SHPRH: variants seen among roughly 807,000 people sequenced by gnomAD.
The protein encoded by SHPRH is E3 ubiquitin-protein ligase SHPRH.
A neutral mutation model predicts 202.5 loss-of-function variants in SHPRH; 106 were observed. That is an observed-to-expected ratio of 0.52 (90% CI 0.45 to 0.62). SHPRH has a LOEUF of 0.62. Ranked by LOEUF, SHPRH falls within the 20% of genes least tolerant of loss-of-function variation. The pLI is 0.00. For synonymous variants in SHPRH, 729 were observed against 686.0 expected (o/e 1.06, Z -0.98); for missense variants, 1,710 against 2,020.0 (o/e 0.85, Z 2.94).
intron 18 of SHPRH, 121 bp downstream of exon 18, chr6:145,923,522 T>C (rs946906248): frequency 5.8e-6 from 7 of 1,210,220 alleles, no homozygotes; most frequent in Non-Finnish European, 8.0e-6. Flanking sequence ...TGAATGTGTC[T>C]GTATAGGTTT....
At position 145,897,790 on chromosome 6, in the gene SHPRH, T is replaced by G. The variant is rs1583325308; in HGVS notation, c.4516-2813A>C. ...GGAAAAAAATGATCATCTCAATATA[T>G]GCAGAAAAAATATCTGATAAAATTC... On this transcript the variant is annotated intron_variant, in intron 25 of 29. Transcript: ENST00000275233. Among the ~76,000 whole-genome samples, 5 of 152,200 alleles carry G rather than the reference T, an allele frequency of 3.3e-5. 1 individual carries two copies. The highest frequency in any genetic ancestry group is 3.3e-4 in the Admixed American group (5 of 15,270).
intron 23 of SHPRH, among the ~76,000 whole-genome samples, chr6:145,914,054 T>C (rs1414238796): frequency 1.3e-5 from 2 of 152,192 alleles, no homozygotes; most frequent in Non-Finnish European, 2.9e-5. Context: ...CATTTTACTA[T>C]GTTGTCCACT....
At chr6:145,890,889 T>G (rs1407441452) in intron 28 of SHPRH, among the ~76,000 whole-genome samples, 1 of 152,104 alleles carries the variant, frequency 6.6e-6, no homozygotes, top group Non-Finnish European at 1.5e-5. Context: ...GTACTATCAG[T>G]TCTATCTTCA....
chr6:145,876,295 GC>G (rs1780300381), intron 2 of SHPRH, among the ~76,000 whole-genome samples: 1 of 152,074 alleles, frequency 6.6e-6, no homozygotes, highest in African/African-American at 2.4e-5. Context: ...GATCATTTAA[GC>G]CCAGGAGTTT....
chr6:145,887,947 G>T, intron 29 of SHPRH, 73 bp downstream of exon 29: 1 of 1,180,550 alleles, frequency 8.5e-7, no homozygotes, highest in Non-Finnish European at 1.2e-6. Flanking sequence ...TCATCTAAGT[G>T]AAGAAGTTCT....
intron 21 of SHPRH, among the ~76,000 whole-genome samples, chr6:145,920,171 ACAG>A (rs891033749): frequency 2.0e-5 from 3 of 152,260 alleles, no homozygotes; most frequent in African/African-American, 7.2e-5. Flanking sequence ...GTAGATATGT[ACAG>A]CAGGAGCTCA....
chr6:145,930,727 T>C (rs1442987560), intron 14 of SHPRH, among the ~76,000 whole-genome samples: 1 of 152,178 alleles, frequency 6.6e-6, no homozygotes, highest in Non-Finnish European at 1.5e-5. Context: ...ACTGATTAGG[T>C]CAACTGGTTG....
chr6:145,906,097 G>C (rs1345730997), intron 25 of SHPRH: 1 of 151,956 alleles, frequency 6.6e-6, no homozygotes, highest in Non-Finnish European at 1.5e-5. Context: ...TTGAGTGCTG[G>C]TCCACAAATG....
intron 26 of SHPRH, among the ~76,000 whole-genome samples, chr6:145,894,451 TGA>T (rs1562292080): frequency 2.0e-5 from 3 of 151,394 alleles, no homozygotes; most frequent in African/African-American, 7.3e-5. Flanking sequence ...ATGCTGGTTT[TGA>T]AAATGTAATT....
intron 24 of SHPRH, 31 bp from the exon 25 acceptor site, chr6:145,910,667 T>C: frequency 6.7e-7 from 1 of 1,502,384 alleles, no homozygotes; most frequent in South Asian, 1.4e-5. Flanking sequence ...GCCTTAGTGC[T>C]ATCAAAGATG....
chr6:145,904,920 C>G (rs969413902), intron 25 of SHPRH: 2 of 151,942 alleles, frequency 1.3e-5, no homozygotes, highest in Non-Finnish European at 2.9e-5. Flanking sequence ...TACCGATATC[C>G]CTGCTCCAAC....
At chr6:145,857,985 T>C in the SHPRH span, among the ~76,000 whole-genome samples, 5 of 152,244 alleles carry the variant, frequency 3.3e-5, no homozygotes, top group African/African-American at 9.6e-5. Flanking sequence ...TCATTAGTTA[T>C]AGGGAAATGC....
At chr6:145,948,125 A>G in intron 5 of SHPRH, 147 bp downstream of exon 5, 1 of 507,928 alleles carries the variant, frequency 2.0e-6, no homozygotes, top group East Asian at 3.2e-5. Context: ...TTCTAAATCT[A>G]TCCTATCCAT....
chr6:145,874,754 A>G (rs1324606809), intron 2 of SHPRH, among the ~76,000 whole-genome samples: 2 of 151,388 alleles, frequency 1.3e-5, no homozygotes, highest in Non-Finnish European at 3.0e-5. Flanking sequence ...TGTGGCTCCA[A>G]GCTGGCATTT....
At chr6:145,901,276 C>T (rs574619714) in intron 25 of SHPRH, among the ~76,000 whole-genome samples, 18 of 152,064 alleles carry the variant, frequency 1.2e-4, no homozygotes, top group African/African-American at 4.1e-4. Flanking sequence ...TGTTTTATAC[C>T]GCCTTAATGA....
chr6:145,926,146 T>C (rs955312597), intron 16 of SHPRH, 58 bp downstream of exon 16: 4 of 1,405,998 alleles, frequency 2.8e-6, no homozygotes, highest in Non-Finnish European at 3.0e-6. Flanking sequence ...ATCAACTATA[T>C]GGAGCATAAA....
chr6:145,922,604 A>G, intron 19 of SHPRH, 59 bp downstream of exon 19: 1 of 1,518,436 alleles, frequency 6.6e-7, no homozygotes, highest in Non-Finnish European at 8.8e-7. Context: ...TTTCTTCTCT[A>G]AGAAATCTAG....
At chr6:145,959,932 G>A (rs1196838691) in intron 1 of SHPRH, among the ~76,000 whole-genome samples, 1 of 152,148 alleles carries the variant, frequency 6.6e-6, no homozygotes, top group Non-Finnish European at 1.5e-5. Context: ...TTTCCTCAAA[G>A]CATAAGCTGG....
intron 20 of SHPRH, 84 bp from the exon 21 acceptor site, chr6:145,921,476 T>C: frequency 1.5e-6 from 2 of 1,309,492 alleles, no homozygotes; most frequent in Non-Finnish European, 2.1e-6. Flanking sequence ...AAAGAACATG[T>C]TTGCAAGTCT....
Sources: gnomAD v4.1 joint callset for allele counts (sites outside exome capture counted in the v4.1 genomes callset) on GRCh38, gnomAD v4.1.1 for gene constraint, MANE v1.5 for transcripts, NCBI Gene and HGNC (gene_info 2026-07-23, HGNC 2026-07-21) for gene names.